GPR19: variants seen among roughly 807,000 people sequenced by gnomAD.
The protein encoded by GPR19 is probable G protein-coupled receptor 19.
GPR19 carries 14 observed loss-of-function variants against 28.5 expected under a neutral mutation model. That is an observed-to-expected ratio of 0.49 (90% CI 0.32 to 0.77). The LOEUF (loss-of-function observed/expected upper bound fraction) is 0.77, where lower values mean the gene tolerates loss of function less well. Among genes scored for constraint, GPR19 ranks in the 30% least tolerant of loss-of-function variants. The pLI, the probability that GPR19 is intolerant of heterozygous loss-of-function variation, is 0.03. For missense variants in GPR19, 409 were observed against 504.1 expected (o/e 0.81, Z 1.81); for synonymous variants, 173 against 184.1 (o/e 0.94, Z 0.49).
At chr12:12,678,799 C>G (rs1945976680) in intron 3 of GPR19, among the ~76,000 whole-genome samples, 1 of 152,086 alleles carries the variant, frequency 6.6e-6, no homozygotes, top group Non-Finnish European at 1.5e-5. Flanking sequence ...TTCGCACCAG[C>G]CTAATATTTT....
chr12:12,697,084 T>TA (rs1315674427), upstream of GPR19, among the ~76,000 whole-genome samples: 1 of 139,916 alleles, frequency 7.1e-6, no homozygotes, highest in African/African-American at 2.7e-5. Context: ...AGACCAAACC[T>TA]AAGGTCCTCT....
intron 2 of GPR19, among the ~76,000 whole-genome samples, chr12:12,694,500 C>T (rs1299782044): frequency 6.6e-6 from 1 of 151,852 alleles, no homozygotes; most frequent in Non-Finnish European, 1.5e-5. Flanking sequence ...GCTACCGCGC[C>T]TGACCCGGTA....
chr12:12,700,380 C>T (rs751743078), upstream of GPR19, among the ~76,000 whole-genome samples: 55 of 151,972 alleles, frequency 3.6e-4, 1 homozygote, highest in Non-Finnish European at 1.0e-4. Flanking sequence ...TTTTGTTAGA[C>T]TCTCTCATAA....
At chr12:12,695,434 A>G (rs766092512) in intron 2 of GPR19, 25 bp downstream of exon 2, 2 of 152,266 alleles carry the variant, frequency 1.3e-5, no homozygotes, top group Non-Finnish European at 2.9e-5. Flanking sequence ...GGAAGGAGGC[A>G]GACACTTCAG....
At chr12:12,675,816 G>C (rs1056188202) in intron 3 of GPR19, among the ~76,000 whole-genome samples, 5 of 152,120 alleles carry the variant, frequency 3.3e-5, no homozygotes, top group African/African-American at 1.2e-4. Flanking sequence ...GCCTGGAAGG[G>C]CAGTCAACCT....
chr12:12,706,354 C>G, the GPR19 span, among the ~76,000 whole-genome samples: 3 of 152,180 alleles, frequency 2.0e-5, no homozygotes, highest in East Asian at 5.8e-4. Flanking sequence ...TTTTCCCTAT[C>G]TCCTTTATCT....
At chr12:12,665,749 A>G (rs1945763578) in intron 3 of GPR19, among the ~76,000 whole-genome samples, 1 of 137,818 alleles carries the variant, frequency 7.3e-6, no homozygotes, top group Admixed American at 8.7e-5. Flanking sequence ...AGGCAGGAGA[A>G]CGGCGTGAAC....
At chr12:12,682,263 T>C (rs1454133238) in intron 3 of GPR19, among the ~76,000 whole-genome samples, 1 of 152,244 alleles carries the variant, frequency 6.6e-6, no homozygotes, top group African/African-American at 2.4e-5. Context: ...AAATAATTTA[T>C]GTATACTTTC....
At chr12:12,697,560 CTG>C (rs1276640557), upstream of GPR19, among the ~76,000 whole-genome samples, 1 of 152,132 alleles carries the variant, frequency 6.6e-6, no homozygotes, top group Non-Finnish European at 1.5e-5. Context: ...TTATTGGACT[CTG>C]TTATGTTTTT....
chr12:12,707,482 A>G, the GPR19 span, among the ~76,000 whole-genome samples: 43,383 of 152,136 alleles, frequency 0.29, 6,760 homozygotes, highest in African/African-American at 0.42. Context: ...TTCATTAAAA[A>G]TTTAATGAAT....
At chr12:12,701,480 GA>G in the GPR19 span, among the ~76,000 whole-genome samples, 2 of 152,156 alleles carry the variant, frequency 1.3e-5, no homozygotes, top group Non-Finnish European at 2.9e-5. Context: ...AAAAGGGAGA[GA>G]AAATCCTAAT....
chr12:12,699,640 G>C (rs1946304987), upstream of GPR19, among the ~76,000 whole-genome samples: 1 of 152,126 alleles, frequency 6.6e-6, no homozygotes, highest in Non-Finnish European at 1.5e-5. Context: ...TCAATCAGAG[G>C]GAAGAGAATC....
chr12:12,677,184 A>G (rs2136326901), intron 3 of GPR19, among the ~76,000 whole-genome samples: 1 of 151,738 alleles, frequency 6.6e-6, no homozygotes, highest in South Asian at 2.1e-4. Context: ...GCAACCTTCA[A>G]GTTTATGAAG....
At chr12:12,686,074 A>T (rs1184983909) in intron 2 of GPR19, among the ~76,000 whole-genome samples, 1 of 152,244 alleles carries the variant, frequency 6.6e-6, no homozygotes, top group African/African-American at 2.4e-5. Context: ...AGAAATACAA[A>T]CTGGCTATAC....
At chr12:12,686,774 C>T (rs1664361539) in intron 2 of GPR19, among the ~76,000 whole-genome samples, 1 of 152,178 alleles carries the variant, frequency 6.6e-6, no homozygotes, top group African/African-American at 2.4e-5. Flanking sequence ...TGTGTTGTGA[C>T]TTACTACTAT....
intron 2 of GPR19, among the ~76,000 whole-genome samples, chr12:12,686,501 C>A (rs1348494767): frequency 6.6e-6 from 1 of 152,148 alleles, no homozygotes; most frequent in African/African-American, 2.4e-5. Flanking sequence ...ACAATAAGAA[C>A]AACTAATATT....
chr12:12,716,400 G>A, the GPR19 span, among the ~76,000 whole-genome samples: 4 of 152,284 alleles, frequency 2.6e-5, no homozygotes, highest in East Asian at 7.7e-4. Context: ...GTTGTATTTG[G>A]CGGCTGGACT....
rs1309792981 is a variant in GPR19 at position 12,662,153 on chromosome 12, G to C, written c.296C>G (p.Thr99Ser). ...VIHRSRRTQS[T>S]TNYFVVSMAC... ...CATGGAGACCACAAAGTAGTTGGTGGTAGACTGAGTCCTCCTACTCCTATG... is the reference window on the plus strand; with the variant it reads ...CATGGAGACCACAAAGTAGTTGGTGCTAGACTGAGTCCTCCTACTCCTATG... Residue 99 changes from threonine (T) to serine (S), a missense_variant, in exon 4 of 4, where the codon ACC becomes AGC. Transcript: ENST00000651487. 6.2e-6 allele frequency: 10 copies of C among 1,614,130 alleles called. No individual in the cohort carries two copies. The highest frequency in any genetic ancestry group is 7.6e-6 in the Non-Finnish European group (9 of 1,180,048).
chr12:12,700,506 G>C (rs1946315236), upstream of GPR19, among the ~76,000 whole-genome samples: 1 of 152,176 alleles, frequency 6.6e-6, no homozygotes. Flanking sequence ...TATGTACAGA[G>C]AAAACAAGCA....
Sources: allele counts gnomAD v4.1 joint callset (sites outside exome capture counted in the v4.1 genomes callset), GRCh38; gene constraint gnomAD v4.1.1; transcripts MANE v1.5; gene names NCBI Gene and HGNC (gene_info 2026-07-23, HGNC 2026-07-21).